Variants in ANKLE2 observed in about 807,000 individuals in gnomAD.
ANKLE2 encodes the protein ankyrin repeat and LEM domain-containing protein 2.
Under a neutral mutation model 84.2 loss-of-function variants are expected in ANKLE2, and 55 were observed. That is an observed-to-expected ratio of 0.65 (90% CI 0.53 to 0.82). The LOEUF (loss-of-function observed/expected upper bound fraction) is 0.82, where lower values mean the gene tolerates loss of function less well. ANKLE2 is among the 40% of genes least tolerant of loss of function. The pLI, the probability that ANKLE2 is intolerant of heterozygous loss-of-function variation, is 0.00. For synonymous variants in ANKLE2, 551 were observed against 486.1 expected (o/e 1.13, Z -1.76); for missense variants, 1,238 against 1,201.9 (o/e 1.03, Z -0.44).
chr12:132,742,174 G>T, intron 6 of ANKLE2: 1 of 233,510 alleles, frequency 4.3e-6, no homozygotes, highest in Non-Finnish European at 8.4e-6. Flanking sequence ...TTCTTATGTT[G>T]AAGTACAGAT....
At chr12:132,736,619 C>G (rs1288493815) in intron 8 of ANKLE2, among the ~76,000 whole-genome samples, 1 of 152,240 alleles carries the variant, frequency 6.6e-6, no homozygotes, top group African/African-American at 2.4e-5. Context: ...GACACGCGCA[C>G]AGGACGGGGC....
intron 2 of ANKLE2, among the ~76,000 whole-genome samples, chr12:132,753,607 T>C (rs1277018735): frequency 4.6e-5 from 7 of 151,690 alleles, no homozygotes; most frequent in African/African-American, 1.7e-4. Flanking sequence ...CTACTAAAAA[T>C]ACAAAAAATA....
Position 132,749,784 on chromosome 12 carries a change from T to C in ANKLE2, c.847+859A>G, listed in dbSNP as rs190005346. 1.5e-3 allele frequency among the ~76,000 whole-genome samples: 234 copies of C among 152,342 alleles called. 3 individuals are homozygous for C. The highest frequency in any genetic ancestry group is 5.4e-3 in the African/African-American group (226 of 41,586). On this transcript the variant is annotated intron_variant, in intron 3 of 12. Transcript: ENST00000357997. ...GCTGGGAGGTGGGCATGGGTCAGAC[T>C]TCGGGCTGGACCGCTCCTACAGATA...
chr12:132,733,673 C>T (rs1169200244), intron 10 of ANKLE2, among the ~76,000 whole-genome samples: 1 of 151,644 alleles, frequency 6.6e-6, no homozygotes, highest in Non-Finnish European at 1.5e-5. Flanking sequence ...AAGCGCTCTG[C>T]GTCCTGGTGT....
At chr12:132,751,020 T>C (rs2044343693) in intron 2 of ANKLE2, 171 bp from the exon 3 acceptor site, 1 of 611,764 alleles carries the variant, frequency 1.6e-6, no homozygotes, top group Admixed American at 3.0e-5. Context: ...AATAGAACAA[T>C]TAACAAGCTC....
In ANKLE2 at chr12:132,737,024, A is replaced by G; in HGVS notation, c.1462T>C (p.Ser488Pro). The change falls in exon 8 of 13, where the codon TCT (serine) becomes CCT (proline). Residue 488 changes from serine (S) to proline (P), a missense_variant. Transcript: ENST00000357997. ...VPLLRAEETS[S>P]PVIGELWSPD... is the part of the protein sequence containing the mutation. ...GACCACAGCTCCCCGATGACTGGAG[A>G]AGAAGTCTCTTCCGCTCTCAGGAGG... 6.2e-7 allele frequency: 1 copy of G among 1,611,916 alleles called. No individual in the cohort carries two copies. Among genetic ancestry groups the G allele is most frequent in the Non-Finnish European group, 8.5e-7 (1 of 1,178,496 alleles).
chr12:132,741,687 C>G (rs1373539795), intron 6 of ANKLE2: 4 of 668,914 alleles, frequency 6.0e-6, no homozygotes, highest in Non-Finnish European at 8.1e-6. Flanking sequence ...AGAACACACT[C>G]TGGGATTATG....
In ANKLE2 at chr12:132,730,246, G is replaced by T; in HGVS notation, c.1916C>A (p.Ala639Glu). Residue 639 changes from alanine to glutamate, a missense_variant, in exon 11 of 13, where the codon GCG becomes GAG. Transcript: ENST00000357997. ...TSGSNSISVR[A>E]FLDEDDMSLE... The stretch of plus-strand genomic sequence containing the variant: ...GCTCATGTCATCTTCATCTAGAAAC[G>T]CCCTCACGGAAATGGAATTGCTGCC... 1.3e-6 allele frequency: 2 copies of T among 1,568,696 alleles called. No homozygotes were observed. Among genetic ancestry groups the T allele is most frequent in the Middle Eastern group, 3.4e-4 (2 of 5,822 alleles).
At chr12:132,742,184 TACACAC>T (rs71856305) in intron 6 of ANKLE2, 33,552 of 192,558 alleles carry the variant, frequency 0.17, 3,718 homozygotes, top group African/African-American at 0.23. Flanking sequence ...GAAGTACAGA[TACACAC>T]ACACACACAC....
chr12:132,750,204 C>CA (rs1038591889), intron 3 of ANKLE2, among the ~76,000 whole-genome samples: 38,023 of 79,050 alleles, frequency 0.48, 8,831 homozygotes, highest in Non-Finnish European at 0.56. Flanking sequence ...GACTCCATCT[C>CA]AAAAAAAAAA....
Position 132,728,101 on chromosome 12 carries a change from G to A in ANKLE2, c.2546C>T (p.Pro849Leu). The A allele has an allele frequency of 1.2e-5, 19 of 1,612,956 alleles. No individual in the cohort carries two copies. The highest frequency in any genetic ancestry group is 1.6e-5 in the Non-Finnish European group (19 of 1,179,946). The stretch of plus-strand genomic sequence containing the variant: ...TCTGTGCACGGCCGGGAACTGATGG[G>A]GGTCGACGTCTGCACATTCAAGAGC... ...LAALECADVD[P>L]HQFPAVHRWK... The change falls in exon 12 of 13, where the codon CCC (proline) becomes CTC (leucine). Residue 849 changes from proline (P) to leucine (L), a missense_variant. Pro to Leu is a moderately conservative substitution (Grantham distance 98). Around this residue, in one of 3 missense-constraint regions of ANKLE2, gnomAD observed 802 missense variants for 774.5 expected, o/e 1.04. Coordinates refer to ENST00000357997, the MANE Select transcript of ANKLE2 (RefSeq NM_015114.3).
Position 132,734,851 on chromosome 12 carries a change from A to C in ANKLE2, c.1701-276T>G, listed in dbSNP as rs1455632346. The C allele has an allele frequency of 9.2e-6, 4 of 434,092 alleles. No homozygotes were observed. The East Asian group carries it at 1.9e-4, about 21-fold the overall frequency. 26.9% of individuals were successfully genotyped at this position (434,092 alleles called of 1,614,324 possible). A position where few individuals can be genotyped will look rare whatever the true frequency, so the allele number is the denominator to read the frequency against. On this transcript the variant is annotated intron_variant, in intron 9 of 12. Transcript: ENST00000357997. ...CAGCCCGACAGACCCTCACGCCAGC[A>C]ACCCAGGTCACACAGTTCAACTCCC...
intron 10 of ANKLE2, chr12:132,734,163 T>C: frequency 1.7e-6 from 1 of 588,716 alleles, no homozygotes; most frequent in Non-Finnish European, 3.1e-6. Flanking sequence ...AAGAATCGCT[T>C]GAACCCAGGA....
rs1316542824 is a variant in ANKLE2 at position 132,729,861 on chromosome 12, G to T, written c.2301C>A (p.Ile767=). The T allele has an allele frequency of 6.2e-7, 1 of 1,613,616 alleles. No homozygotes were observed. The highest frequency in any genetic ancestry group is 2.2e-5 in the East Asian group (1 of 44,824). ...KTKDQILTSR[I]NAVERDLLEP... is the part of the protein sequence containing the mutation. ...CTAACAAGTCTCTTTCTACTGCATTGATTCTTGAAGTCAGGATCTGATCTT... is the reference window on the plus strand; with the variant it reads ...CTAACAAGTCTCTTTCTACTGCATTTATTCTTGAAGTCAGGATCTGATCTT... The change falls in exon 11 of 13, where the codon ATC becomes ATA. Residue 767 remains isoleucine (I), a synonymous_variant. Coordinates refer to ENST00000357997, the MANE Select transcript of ANKLE2 (RefSeq NM_015114.3).
At position 132,748,221 on chromosome 12, in the gene ANKLE2, C is replaced by A; in HGVS notation, c.958G>T (p.Gly320Ter). 6.2e-7 allele frequency: 1 copy of A among 1,614,160 alleles called. No individual in the cohort carries two copies. The highest frequency in any genetic ancestry group is 8.5e-7 in the Non-Finnish European group (1 of 1,180,038). Residue 320 changes from glycine to a stop codon, truncating the protein, a stop_gained, in exon 4 of 13, where the codon GGA becomes TGA. Transcript: ENST00000357997. LOFTEE classifies it high-confidence loss of function. Reference protein sequence around the residue: ...TAKLRKAVEKGEEDTFSDLIW... With the variant: ...TAKLRKAVEK Reference sequence around the variant, plus strand: ...AGGTCAGAAAAGGTGTCCTCCTCTCCCTTCTCCACAGCTTTCCGAAGCTTG... The same window carrying A: ...AGGTCAGAAAAGGTGTCCTCCTCTCACTTCTCCACAGCTTTCCGAAGCTTG...
At chr12:132,740,492 T>C (rs776251936) in intron 7 of ANKLE2, among the ~76,000 whole-genome samples, 1 of 152,076 alleles carries the variant, frequency 6.6e-6, no homozygotes, top group Non-Finnish European at 1.5e-5. Context: ...AAGCAGTCAT[T>C]TGCGGACCCT....
chr12:132,741,117 A>G (rs533441709), intron 7 of ANKLE2, among the ~76,000 whole-genome samples: 1 of 152,332 alleles, frequency 6.6e-6, no homozygotes, highest in African/African-American at 2.4e-5. Context: ...ACTGCGAGAG[A>G]GACCGATGGA....
In ANKLE2 at chr12:132,743,299, T is replaced by C; in HGVS notation, c.1231-23A>G. On this transcript the variant is annotated intron_variant, in intron 5 of 12. Transcript: ENST00000357997. This position sits in a 1 kb window ranked among gnomAD's most constrained non-coding sequence, Gnocchi z 4.1. The stretch of plus-strand genomic sequence containing the variant: ...GCCCTGAAAAAAGGTGCAGAGGAAG[T>C]ACAATTATTCACACTTGTCTCATGA... 3.2e-6 allele frequency: 5 copies of C among 1,577,930 alleles called. No homozygotes were observed. Among genetic ancestry groups the C allele is most frequent in the Non-Finnish European group, 2.6e-6 (3 of 1,160,202 alleles).
intron 2 of ANKLE2, among the ~76,000 whole-genome samples, chr12:132,753,448 T>C (rs2044404580): frequency 6.6e-6 from 1 of 151,736 alleles, no homozygotes; most frequent in Admixed American, 6.6e-5. Flanking sequence ...GTGGGCAACG[T>C]GGCGAAACCC....
Sources: allele counts gnomAD v4.1 joint callset (sites outside exome capture counted in the v4.1 genomes callset), GRCh38; gene constraint gnomAD v4.1.1; regional missense constraint gnomAD v4.1.1; non-coding constraint Gnocchi (gnomAD v3.1); transcripts MANE v1.5; gene names NCBI Gene and HGNC (gene_info 2026-07-23, HGNC 2026-07-21).